Variants in LCOR observed in about 807,000 individuals in gnomAD.
LCOR encodes ligand dependent nuclear receptor corepressor.
Under a neutral mutation model 64.4 loss-of-function variants are expected in LCOR, and 14 were observed. That is an observed-to-expected ratio of 0.22 (90% CI 0.14 to 0.34). The LOEUF (loss-of-function observed/expected upper bound fraction) is 0.34. Ranked by LOEUF, LCOR falls within the 10% of genes least tolerant of loss-of-function variation. LCOR has a pLI of 1.00. For missense variants in LCOR, 1,686 were observed against 1,765.3 expected, an observed-to-expected ratio of 0.96 and a Z score of 0.80; for synonymous variants, 643 against 642.5, an observed-to-expected ratio of 1.00 and a Z score of -0.01.
intron 4 of LCOR, among the ~76,000 whole-genome samples, chr10:96,939,206 A>G (rs1011328554): frequency 3.3e-5 from 5 of 152,222 alleles, no homozygotes; most frequent in Non-Finnish European, 7.3e-5. Flanking sequence ...AGTAAAATGT[A>G]TGGCCAGTGA....
intron 7 of LCOR, among the ~76,000 whole-genome samples, chr10:96,968,115 C>T (rs1351306755): frequency 1.3e-5 from 2 of 152,284 alleles, no homozygotes; most frequent in East Asian, 3.9e-4. Flanking sequence ...TTCAAGTATA[C>T]AGCTCAGCAT....
intron 2 of LCOR, among the ~76,000 whole-genome samples, chr10:96,872,723 G>A (rs1225011342): frequency 1.3e-5 from 2 of 152,102 alleles, no homozygotes; most frequent in Non-Finnish European, 2.9e-5. Flanking sequence ...GCTACATTAA[G>A]ACCATAACTG....
chr10:96,879,088 G>A (rs908956872), intron 2 of LCOR, among the ~76,000 whole-genome samples: 3 of 152,084 alleles, frequency 2.0e-5, no homozygotes, highest in Admixed American at 1.3e-4. Context: ...GAGCCACCAC[G>A]CCTGGCCTTT....
chr10:96,837,135 T>C (rs538798982), intron 2 of LCOR, among the ~76,000 whole-genome samples: 45 of 151,718 alleles, frequency 3.0e-4, no homozygotes, highest in East Asian at 7.8e-4. Flanking sequence ...GGACTACAGG[T>C]GCCCGCCACC....
At chr10:96,856,237 A>C (rs903346640) in intron 2 of LCOR, among the ~76,000 whole-genome samples, 1 of 151,780 alleles carries the variant, frequency 6.6e-6, no homozygotes, top group African/African-American at 2.4e-5. Flanking sequence ...CGCCCGGCTA[A>C]TTTTTTTGTA....
rs759318446 is a variant in LCOR, at chr10:96,981,691, A to G, written c.1231A>G (p.Ser411Gly). The change falls in exon 8 of 8, where the codon AGT becomes GGT. Residue 411 changes from serine (S) to glycine (G), a missense_variant. Physicochemically the swap from Ser to Gly is moderately conservative, Grantham distance 56 (BLOSUM62 0). Around this residue, in one of 3 missense-constraint regions of LCOR, gnomAD observed 1,293 missense variants for 1,410.4 expected, o/e 0.92. Transcript: ENST00000421806. ...TAAGGTGGGTTACCATTTACATCCC[A>G]GTGATAAGGGCCAGTTTGATCATTC... ...RNKVGYHLHP[S>G]DKGQFDHSKD... The G allele has an allele frequency of 3.1e-6, 5 of 1,614,230 alleles. No individual in the cohort carries two copies. The highest frequency in any genetic ancestry group is 2.5e-6 in the Non-Finnish European group (3 of 1,180,046).
At chr10:96,957,364 C>G (rs1210282957) in intron 7 of LCOR, 1 of 984,734 alleles carries the variant, frequency 1.0e-6, no homozygotes, top group Non-Finnish European at 1.2e-6. Context: ...CTGAGATGGG[C>G]TTTTAAAATT....
intron 2 of LCOR, among the ~76,000 whole-genome samples, chr10:96,871,673 T>C (rs1029073844): frequency 1.3e-5 from 2 of 151,954 alleles, no homozygotes; most frequent in East Asian, 3.9e-4. Context: ...CAAATCGGCA[T>C]GCCTTGGCCT....
intron 2 of LCOR, among the ~76,000 whole-genome samples, chr10:96,849,242 T>G (rs946209801): frequency 2.0e-5 from 3 of 151,950 alleles, no homozygotes; most frequent in African/African-American, 7.2e-5. Context: ...ACCTGGCTAA[T>G]TTTTGTATTT....
intron 2 of LCOR, among the ~76,000 whole-genome samples, chr10:96,901,997 A>G (rs1030303785): frequency 6.6e-6 from 1 of 152,200 alleles, no homozygotes; most frequent in Middle Eastern, 3.4e-3. Context: ...ATAGTAGGAC[A>G]TTTCTTAAGT....
At chr10:96,967,549 T>C (rs188406375) in intron 7 of LCOR, among the ~76,000 whole-genome samples, 2 of 152,232 alleles carry the variant, frequency 1.3e-5, no homozygotes, top group East Asian at 1.9e-4. Context: ...TTTCAACTCG[T>C]GAGTTGAAAT....
At chr10:96,841,299 A>C (rs957510664) in intron 2 of LCOR, among the ~76,000 whole-genome samples, 1 of 152,042 alleles carries the variant, frequency 6.6e-6, no homozygotes, top group Non-Finnish European at 1.5e-5. Flanking sequence ...CAGAAAATGT[A>C]TTAATGGTAT....
chr10:96,972,601 A>AT (rs1159543191), intron 7 of LCOR, among the ~76,000 whole-genome samples: 1 of 152,164 alleles, frequency 6.6e-6, no homozygotes, highest in South Asian at 2.1e-4. Context: ...TGATAGTTAT[A>AT]TTTTTTATTG....
At chr10:96,911,491 T>G (rs1846834277) in intron 4 of LCOR, among the ~76,000 whole-genome samples, 1 of 152,198 alleles carries the variant, frequency 6.6e-6, no homozygotes, top group African/African-American at 2.4e-5. Flanking sequence ...GATGTTCAGT[T>G]ATGGGCAAAA....
At chr10:96,862,103 A>C (rs1845896784) in intron 2 of LCOR, among the ~76,000 whole-genome samples, 1 of 152,166 alleles carries the variant, frequency 6.6e-6, no homozygotes, top group Non-Finnish European at 1.5e-5. Context: ...ACAAAGATAC[A>C]GGTGAAGAGA....
At chr10:96,964,090 G>A (rs1334323924) in intron 7 of LCOR, 2 of 152,126 alleles carry the variant, frequency 1.3e-5, no homozygotes, top group East Asian at 3.9e-4. Context: ...CAATGTTTAT[G>A]TAGTAGAGCA....
At chr10:96,907,584 T>G (rs185590475) in intron 3 of LCOR, 84 bp from the exon 4 acceptor site, 1 of 549,628 alleles carries the variant, frequency 1.8e-6, no homozygotes, top group African/African-American at 2.0e-5. Flanking sequence ...TAGTTTTTTG[T>G]TAAACAATAT....
At position 96,944,124 on chromosome 10, in the gene LCOR, C is replaced by G. The variant is rs1006104248; in HGVS notation, c.-172C>G. ...AAGTATTTTTGCAGGGACACTTAGT[C>G]GGTCTGGATGAACCAGCTTCGGGAG... On this transcript the variant is annotated 5_prime_UTR_variant, in exon 5 of 8. Transcript: ENST00000421806. The G allele has an allele frequency of 1.0e-6, 1 of 985,386 alleles. No individual in the cohort carries two copies. The highest frequency in any genetic ancestry group is 1.2e-6 in the Non-Finnish European group (1 of 829,862). 61.0% of individuals were successfully genotyped at this position (985,386 alleles called of 1,614,324 possible).
chr10:96,958,058 G>A, intron 7 of LCOR: 1 of 1,044,186 alleles, frequency 9.6e-7, no homozygotes. Context: ...GCTTATGAAG[G>A]AATGCCTCCT....
Sources: gnomAD v4.1 joint callset for allele counts (sites outside exome capture counted in the v4.1 genomes callset) on GRCh38, gnomAD v4.1.1 for gene constraint, gnomAD v4.1.1 regional missense constraint, MANE v1.5 for transcripts, NCBI Gene and HGNC (gene_info 2026-07-23, HGNC 2026-07-21) for gene names.